The following BACH2 variants were observed in gnomAD, a reference collection of about 807,000 sequenced individuals.
BACH2 encodes transcription regulator protein BACH2.
A neutral mutation model predicts 61.8 loss-of-function variants in BACH2; 5 were observed. The observed-to-expected ratio is 0.08, with a 90% CI of 0.04 to 0.17. The LOEUF is 0.17. Ranked by LOEUF, BACH2 falls within the 10% of genes least tolerant of loss-of-function variation. BACH2 has a pLI of 1.00. For synonymous variants in BACH2, 446 were observed against 440.1 expected (o/e 1.01, Z -0.17); for missense variants, 824 against 1,091.1 (o/e 0.76, Z 3.45).
chr6:90,154,472 G>A (rs1784925446), intron 4 of BACH2, among the ~76,000 whole-genome samples: 1 of 152,170 alleles, frequency 6.6e-6, no homozygotes, highest in Admixed American at 6.5e-5. Context: ...GACCTAGAAG[G>A]AGTAGGTGAC....
chr6:90,022,833 T>C (rs1295022345), intron 5 of BACH2, among the ~76,000 whole-genome samples: 3 of 152,208 alleles, frequency 2.0e-5, no homozygotes, highest in East Asian at 1.9e-4. Flanking sequence ...GTTGAAGATA[T>C]GCATAGATTA....
At chr6:90,077,958 T>C (rs1204154698) in intron 5 of BACH2, among the ~76,000 whole-genome samples, 2 of 152,196 alleles carry the variant, frequency 1.3e-5, no homozygotes, top group Non-Finnish European at 2.9e-5. Context: ...CAATACACTT[T>C]ATAATGCAAA....
At chr6:89,946,765 T>C in intron 7 of BACH2, among the ~76,000 whole-genome samples, 1 of 152,214 alleles carries the variant, frequency 6.6e-6, no homozygotes, top group African/African-American at 2.4e-5. Context: ...TATATTGTTG[T>C]AGGCAAAGAG....
chr6:89,941,542 A>G (rs1273334140), intron 7 of BACH2, among the ~76,000 whole-genome samples: 1 of 152,210 alleles, frequency 6.6e-6, no homozygotes, highest in Non-Finnish European at 1.5e-5. Context: ...GGCTCGGGAA[A>G]GGCCTTTGTG....
intron 2 of BACH2, among the ~76,000 whole-genome samples, chr6:90,257,472 T>A (rs990702130): frequency 6.6e-6 from 1 of 152,218 alleles, no homozygotes; most frequent in African/African-American, 2.4e-5. Context: ...CCTGATATGA[T>A]GTTGTGTACC....
chr6:90,217,002 C>T (rs756514198), intron 3 of BACH2, among the ~76,000 whole-genome samples: 2 of 152,180 alleles, frequency 1.3e-5, no homozygotes, highest in Non-Finnish European at 2.9e-5. Context: ...CATGCCAACT[C>T]ATAATCACAT....
chr6:90,007,906 G>C (rs974454440), intron 6 of BACH2, among the ~76,000 whole-genome samples: 1 of 152,196 alleles, frequency 6.6e-6, no homozygotes, highest in Non-Finnish European at 1.5e-5. Flanking sequence ...GATGAACCAA[G>C]AGGTAGTGTA....
At chr6:89,957,326 T>A (rs1584529946) in intron 6 of BACH2, among the ~76,000 whole-genome samples, 1 of 152,346 alleles carries the variant, frequency 6.6e-6, no homozygotes, top group East Asian at 1.9e-4. Context: ...GCTAGACATT[T>A]AGAAAGTATT....
intron 1 of BACH2, among the ~76,000 whole-genome samples, chr6:90,295,766 C>A: frequency 6.6e-6 from 1 of 152,042 alleles, no homozygotes; most frequent in East Asian, 1.9e-4. Context: ...TAGGTCTTAG[C>A]TACGCGGGAC....
chr6:90,209,238 C>T (rs1769259600), intron 3 of BACH2, among the ~76,000 whole-genome samples: 1 of 143,970 alleles, frequency 6.9e-6, no homozygotes, highest in Non-Finnish European at 1.6e-5. Flanking sequence ...ATAGCAATAG[C>T]ATATTTTAAC....
At chr6:89,944,387 T>C (rs1773610729) in intron 7 of BACH2, among the ~76,000 whole-genome samples, 1 of 152,272 alleles carries the variant, frequency 6.6e-6, no homozygotes, top group Non-Finnish European at 1.5e-5. Flanking sequence ...CTTACAGACA[T>C]GTGCTTTGGA....
At chr6:90,239,588 TTAA>T (rs1281299760) in intron 3 of BACH2, among the ~76,000 whole-genome samples, 1 of 152,182 alleles carries the variant, frequency 6.6e-6, no homozygotes, top group African/African-American at 2.4e-5. Context: ...TGTACATGCT[TTAA>T]TAATCTCTGG....
At chr6:89,975,890 C>T (rs932793179) in intron 6 of BACH2, among the ~76,000 whole-genome samples, 21 of 152,302 alleles carry the variant, frequency 1.4e-4, no homozygotes, top group Non-Finnish European at 1.6e-4. Context: ...GGACTGCTTT[C>T]TTCATAATAC....
chr6:89,966,447 GA>G (rs1775051843), intron 6 of BACH2, among the ~76,000 whole-genome samples: 1 of 152,174 alleles, frequency 6.6e-6, no homozygotes, highest in African/African-American at 2.4e-5. Flanking sequence ...CCCCATATGT[GA>G]ATTGGACAAT....
chr6:90,126,472 G>A (rs76888943), intron 4 of BACH2, among the ~76,000 whole-genome samples: 4,110 of 152,140 alleles, frequency 0.027, 165 homozygotes, highest in African/African-American at 0.088. Flanking sequence ...ATTTAGTTAC[G>A]GGATGAAGAG....
At chr6:90,270,974 GGAAA>G (rs1771500025) in intron 2 of BACH2, among the ~76,000 whole-genome samples, 1 of 152,226 alleles carries the variant, frequency 6.6e-6, no homozygotes, top group South Asian at 2.1e-4. Context: ...CATAAAGTGA[GGAAA>G]GAATACCCTA....
intron 5 of BACH2, among the ~76,000 whole-genome samples, chr6:90,033,357 A>G (rs889965471): frequency 6.6e-6 from 1 of 151,774 alleles, no homozygotes; most frequent in Non-Finnish European, 1.5e-5. Flanking sequence ...TAAATAAAAA[A>G]AAAAAAAAAA....
intron 8 of BACH2, among the ~76,000 whole-genome samples, chr6:89,933,470 A>T (rs1448870500): frequency 2.0e-5 from 3 of 152,088 alleles, no homozygotes; most frequent in Admixed American, 1.3e-4. Flanking sequence ...GTCATTATAC[A>T]TTTGTCCAAA....
rs201945601 is a variant in BACH2, at chr6:89,950,519, C to A, written c.1587G>T (p.Ala529=). The change falls in exon 7 of 9, where the codon GCG becomes GCT. Residue 529 remains alanine, a synonymous_variant. Transcript: ENST00000257749. This position sits in a 1 kb window ranked among gnomAD's most constrained non-coding sequence, Gnocchi z 5.3. ...TSSSCSSYSY[A]EDGSGGSPCS... ...AGGGTGAGCCCCCGCTCCCGTCCTC[C>A]GCGTAGGAATAGGAAGAGCAGGAGC... 1.2e-6 allele frequency: 2 copies of A among 1,613,592 alleles called. No individual in the cohort carries two copies. The highest frequency in any genetic ancestry group is 2.7e-5 in the African/African-American group (2 of 75,004).
Sources: gnomAD v4.1 joint callset for allele counts (sites outside exome capture counted in the v4.1 genomes callset) on GRCh38, gnomAD v4.1.1 for gene constraint, Gnocchi (gnomAD v3.1) non-coding constraint, MANE v1.5 for transcripts, NCBI Gene and HGNC (gene_info 2026-07-23, HGNC 2026-07-21) for gene names.